STK32A: variants seen among roughly 807,000 people sequenced by gnomAD.
STK32A encodes serine/threonine-protein kinase 32A.
Under a neutral mutation model 53.2 loss-of-function variants are expected in STK32A, and 41 were observed. The ratio of observed to expected loss-of-function variants is 0.77; its 90% CI spans 0.60 to 1.00. The LOEUF (loss-of-function observed/expected upper bound fraction) is 1.00, where lower values mean the gene tolerates loss of function less well. Ranked by LOEUF, STK32A falls within the 50% of genes least tolerant of loss-of-function variation. The pLI is 0.00. For missense variants in STK32A, 458 were observed against 485.8 expected, an observed-to-expected ratio of 0.94 and a Z score of 0.54; for synonymous variants, 166 against 162.8, an observed-to-expected ratio of 1.02 and a Z score of -0.15.
chr5:147,261,626 A>C (rs956212936), intron 2 of STK32A, among the ~76,000 whole-genome samples: 1 of 152,200 alleles, frequency 6.6e-6, no homozygotes, highest in Non-Finnish European at 1.5e-5. Context: ...AATTGAACAT[A>C]CTGACATATT....
chr5:147,324,154 A>T (rs1754459782), intron 5 of STK32A, 83 bp downstream of exon 5: 1 of 1,319,096 alleles, frequency 7.6e-7, no homozygotes, highest in African/African-American at 1.5e-5. Flanking sequence ...ATTCTTATTG[A>T]ACATGACATT....
chr5:147,387,608 G>A lies in STK32A; in HGVS notation c.*3625G>A, dbSNP rs577933998. The A allele has an allele frequency of 1.1e-4, 17 of 152,328 alleles. No homozygotes were observed. Among genetic ancestry groups the A allele is most frequent in the African/African-American group, 4.1e-4 (17 of 41,580 alleles). The allele number at this position is 152,328 out of a possible 1,614,324, so 9.4% of individuals were successfully genotyped here. A position where few individuals can be genotyped will look rare whatever the true frequency, so the allele number is the denominator to read the frequency against. The stretch of plus-strand genomic sequence containing the variant: ...TTCAAGCTTGTTTCTGTACCCAGTT[G>A]TCCCTGTATTGTCTACATAAAATCC... On this transcript the variant is annotated 3_prime_UTR_variant, in exon 13 of 13. Transcript: ENST00000397936.
intron 2 of STK32A, among the ~76,000 whole-genome samples, chr5:147,243,050 A>T (rs1007868049): frequency 1.3e-5 from 2 of 152,212 alleles, no homozygotes; most frequent in African/African-American, 4.8e-5. Flanking sequence ...AAAATGAGCC[A>T]ACTTAATTAT....
Position 147,279,280 on chromosome 5 carries a change from A to T in STK32A, c.142A>T (p.Met48Leu). The T allele has an allele frequency of 3.1e-6, 5 of 1,613,964 alleles. No homozygotes were observed. The highest frequency in any genetic ancestry group is 4.2e-6 in the Non-Finnish European group (5 of 1,179,864). ...TGTACAGAAGAATGATACCAAGAAGATGTACGCAATGAAGTACATGAATAA... is the reference window on the plus strand; with the variant it reads ...TGTACAGAAGAATGATACCAAGAAGTTGTACGCAATGAAGTACATGAATAA... ...CIVQKNDTKK[M>L]YAMKYMNKQK... Residue 48 changes from methionine (M) to leucine (L), a missense_variant, in exon 4 of 13, where the codon ATG becomes TTG. Transcript: ENST00000397936.
chr5:147,247,221 T>A (rs1753800638), intron 2 of STK32A, among the ~76,000 whole-genome samples: 1 of 152,226 alleles, frequency 6.6e-6, no homozygotes, highest in African/African-American at 2.4e-5. Flanking sequence ...AAATGTCAAC[T>A]CGATTAGAGT....
chr5:147,258,956 C>A (rs1754364635), intron 2 of STK32A, among the ~76,000 whole-genome samples: 1 of 152,090 alleles, frequency 6.6e-6, no homozygotes, highest in Admixed American at 6.5e-5. Context: ...TACTTTAAGG[C>A]TTGGCTGAGT....
At position 147,259,063 on chromosome 5, in the gene STK32A, T is replaced by C. The variant is rs2151945602; in HGVS notation, c.53-19061T>C. 1.3e-5 allele frequency among the ~76,000 whole-genome samples: 2 copies of C among 152,260 alleles called. 1 individual carries two copies. The highest frequency in any genetic ancestry group is 4.1e-4 in the South Asian group (2 of 4,822). On this transcript the variant is annotated intron_variant, in intron 2 of 12. Transcript: ENST00000397936. ...CTTATCACTTCCTGAATACTCATTG[T>C]GTCTTTTTCCCTCAATCACCCGGGA... is the stretch of plus-strand genomic sequence containing the variant.
Position 147,239,685 on chromosome 5 carries a change from T to C in STK32A, c.51T>C (p.Asp17=), listed in dbSNP as rs1334346099. Reference sequence around the variant, plus strand: ...CACCAGTGTTTGATGAAAATGAAGATGGTAAGAAATATGGGATAGTGGCAT... The same window carrying C: ...CACCAGTGTTTGATGAAAATGAAGACGGTAAGAAATATGGGATAGTGGCAT... The part of the protein sequence containing the change: ...RKPPVFDENE[D]VNFDHFEILR... Residue 17 remains aspartate, a splice_region_variant and synonymous_variant, in exon 2 of 13, where the codon GAT becomes GAC. Coordinates refer to ENST00000397936, the MANE Select transcript of STK32A (RefSeq NM_001112724.2). 7.5e-6 allele frequency: 12 copies of C among 1,605,364 alleles called. No homozygotes were observed. Among genetic ancestry groups the C allele is most frequent in the Non-Finnish European group, 1.0e-5 (12 of 1,175,454 alleles).
intron 2 of STK32A, among the ~76,000 whole-genome samples, chr5:147,250,540 T>C (rs775799569): frequency 2.6e-5 from 4 of 152,100 alleles, no homozygotes; most frequent in Non-Finnish European, 4.4e-5. Context: ...GTGAGAAAAA[T>C]CTATGGGAGT....
intron 5 of STK32A, among the ~76,000 whole-genome samples, chr5:147,337,646 C>T (rs539539704): frequency 1.1e-4 from 16 of 151,948 alleles, no homozygotes; most frequent in African/African-American, 3.9e-4. Flanking sequence ...AGTCCAGGGG[C>T]TGCTGCATTG....
rs766720419 is a variant in STK32A at position 147,370,713 on chromosome 5, G to A, written c.720G>A (p.Thr240=). The change falls in exon 9 of 13, where the codon ACG becomes ACA. Residue 240 remains threonine (T), a synonymous_variant. Coordinates refer to ENST00000397936, the MANE Select transcript of STK32A (RefSeq NM_001112724.2). The stretch of plus-strand genomic sequence containing the variant: ...AGGAAATTGTACACACGTTTGAGAC[G>A]ACTGTTGTAACTTACCCTTCTGCCT... ...SSKEIVHTFE[T]TVVTYPSAWS... 10 of 1,612,436 alleles carry A rather than the reference G, an allele frequency of 6.2e-6. No homozygotes were observed. The highest frequency in any genetic ancestry group is 2.2e-5 in the South Asian group (2 of 90,998).
At chr5:147,389,635 G>A (rs1304237299), downstream of STK32A, among the ~76,000 whole-genome samples, 3 of 152,104 alleles carry the variant, frequency 2.0e-5, no homozygotes, top group Non-Finnish European at 2.9e-5. Context: ...TTGAGAGGCC[G>A]AGGCGGGTGG....
chr5:147,397,135 C>T, the STK32A span, among the ~76,000 whole-genome samples: 38,747 of 146,680 alleles, frequency 0.26, 5,336 homozygotes, highest in East Asian at 0.54. Context: ...ATTTTTTATA[C>T]GCATGCATAC....
At chr5:147,366,280 G>T (rs1756738832) in intron 8 of STK32A, among the ~76,000 whole-genome samples, 7 of 152,160 alleles carry the variant, frequency 4.6e-5, no homozygotes, top group Admixed American at 4.6e-4. Flanking sequence ...CGCCTATAAA[G>T]AGAGTTTCCA....
chr5:147,329,902 G>T (rs1754781566), intron 5 of STK32A, among the ~76,000 whole-genome samples: 1 of 152,202 alleles, frequency 6.6e-6, no homozygotes, highest in African/African-American at 2.4e-5. Context: ...TAACCATTGG[G>T]TGAGTGCAGA....
At chr5:147,314,767 T>C (rs573927074) in intron 4 of STK32A, among the ~76,000 whole-genome samples, 1 of 145,110 alleles carries the variant, frequency 6.9e-6, no homozygotes, top group East Asian at 2.0e-4. Flanking sequence ...AGACAGAATC[T>C]TGCTCTATCT....
At chr5:147,401,052 C>T in the STK32A span, among the ~76,000 whole-genome samples, 1 of 152,138 alleles carries the variant, frequency 6.6e-6, no homozygotes, top group South Asian at 2.1e-4. Flanking sequence ...TAGCTCATCT[C>T]TTTTGTAGCA....
At chr5:147,289,015 A>T (rs775790938) in intron 4 of STK32A, among the ~76,000 whole-genome samples, 4 of 152,168 alleles carry the variant, frequency 2.6e-5, no homozygotes, top group Non-Finnish European at 5.9e-5. Flanking sequence ...GACATTCTGA[A>T]CTTGCCCATC....
intron 4 of STK32A, among the ~76,000 whole-genome samples, chr5:147,310,441 G>C (rs975952193): frequency 1.3e-5 from 2 of 152,164 alleles, no homozygotes; most frequent in African/African-American, 2.4e-5. Context: ...ACAATACATT[G>C]TGCCAGCTGA....
Sources: gnomAD v4.1 joint callset for allele counts (sites outside exome capture counted in the v4.1 genomes callset) on GRCh38, gnomAD v4.1.1 for gene constraint, MANE v1.5 for transcripts, NCBI Gene and HGNC (gene_info 2026-07-23, HGNC 2026-07-21) for gene names.